The following LRRC37B variants were observed in gnomAD, a reference collection of about 807,000 sequenced individuals.
The protein encoded by LRRC37B is leucine rich repeat containing 37B.
LRRC37B carries 28 observed loss-of-function variants against 98.3 expected under a neutral mutation model. The ratio of observed to expected loss-of-function variants is 0.28; its 90% CI spans 0.21 to 0.39. LRRC37B has a LOEUF of 0.39. Ranked by LOEUF, LRRC37B falls within the 10% of genes least tolerant of loss-of-function variation. The pLI is 1.00. For missense variants in LRRC37B, 938 were observed against 1,182.7 expected (o/e 0.79, Z 3.03); for synonymous variants, 364 against 442.7 (o/e 0.82, Z 2.23).
intron 1 of LRRC37B, among the ~76,000 whole-genome samples, chr17:32,024,303 G>A (rs879160134): frequency 7.2e-5 from 11 of 152,274 alleles, no homozygotes; most frequent in African/African-American, 2.4e-4. Flanking sequence ...CTTTGGTGTT[G>A]CCTGGCATGG....
intron 1 of LRRC37B, among the ~76,000 whole-genome samples, chr17:32,010,862 A>C (rs1308765903): frequency 6.6e-6 from 1 of 152,178 alleles, no homozygotes; most frequent in Non-Finnish European, 1.5e-5. Flanking sequence ...AATCTCTCAC[A>C]TATGAATGAG....
chr17:32,053,266 G>A lies in LRRC37B; in HGVS notation c.2863G>A (p.Val955Met), dbSNP rs1332213918. The stretch of plus-strand genomic sequence containing the variant: ...TTAATTGTGTTTTCTTCCAAAACAG[G>A]TGAATTCACATAAAAGGGCATCAGA... Residue 955 changes from valine to methionine, a missense_variant and splice_region_variant, in exon 12 of 12, where the codon GTG becomes ATG. Physicochemically the swap from Val to Met is conservative, Grantham distance 21. Around this residue, in one of 2 missense-constraint regions of LRRC37B, gnomAD observed 328 missense variants for 557.0 expected, o/e 0.59. Coordinates refer to ENST00000327564, the Ensembl canonical transcript of LRRC37B. The A allele has an allele frequency of 5.0e-6, 8 of 1,608,164 alleles. No individual in the cohort carries two copies. In the Admixed American group the frequency reaches 1.4e-4, roughly 27 times the overall value.
chr17:32,028,955 C>T (rs1344749742), intron 3 of LRRC37B: 1 of 151,818 alleles, frequency 6.6e-6, no homozygotes, highest in East Asian at 1.9e-4. Context: ...TAATCATTTT[C>T]CTACTACTCA....
rs1438194580 is a variant in LRRC37B at position 32,029,245 on chromosome 17, G to A, written c.1904+1405G>A. On this transcript the variant is annotated intron_variant, in intron 3 of 11. Transcript: ENST00000327564. ...AATATCCTGACCTTGTAATCCACCC[G>A]CCTCAGCCTCCCAAAGTGCTGGGAT... Among the ~76,000 whole-genome samples, 6 of 152,116 alleles carry A rather than the reference G, an allele frequency of 3.9e-5. No individual in the cohort carries two copies. The South Asian group carries it at 1.0e-3, about 26-fold the overall frequency.
At chr17:32,041,524 G>A (rs12937850) in intron 7 of LRRC37B, 19,183 of 533,758 alleles carry the variant, frequency 0.036, 777 homozygotes, top group Admixed American at 0.1. Context: ...CCTCTGCCCA[G>A]TGACTCACTG....
At position 32,035,028 on chromosome 17, in the gene LRRC37B, T is replaced by C. The variant is rs913288517; in HGVS notation, c.2129+47T>C. On this transcript the variant is annotated intron_variant, in intron 6 of 11. Coordinates refer to ENST00000327564, the Ensembl canonical transcript of LRRC37B. ...TGAGTCATGAGATGATTTATGCTTT[T>C]TAAATTTGTCATCAAAGATAAAGTA... The C allele has an allele frequency of 5.4e-6, 7 of 1,294,402 alleles. No homozygotes were observed. The African/African-American group carries it at 6.1e-5, about 11-fold the overall frequency. 80.2% of individuals were successfully genotyped at this position (1,294,402 alleles called of 1,614,324 possible).
chr17:32,032,067 A>G (rs969845418), intron 5 of LRRC37B, among the ~76,000 whole-genome samples: 2 of 152,160 alleles, frequency 1.3e-5, no homozygotes, highest in Non-Finnish European at 2.9e-5. Flanking sequence ...CAGGAGTTTG[A>G]GACCAGCCTG....
At chr17:32,008,883 G>A (rs1910468434) in intron 1 of LRRC37B, among the ~76,000 whole-genome samples, 1 of 152,208 alleles carries the variant, frequency 6.6e-6, no homozygotes, top group African/African-American at 2.4e-5. Context: ...GTTTTTGGCA[G>A]CTATGAATAA....
At chr17:32,039,340 G>T (rs1911338466) in intron 7 of LRRC37B, among the ~76,000 whole-genome samples, 1 of 149,678 alleles carries the variant, frequency 6.7e-6, no homozygotes, top group African/African-American at 2.5e-5. Flanking sequence ...CACCAGGTGT[G>T]ATGGCACACT....
At chr17:32,034,523 A>T (rs903796873) in intron 5 of LRRC37B, among the ~76,000 whole-genome samples, 5 of 151,432 alleles carry the variant, frequency 3.3e-5, no homozygotes, top group Non-Finnish European at 7.4e-5. Context: ...AAAAAAAAAA[A>T]ACAACTTGAA....
exon 1 of LRRC37B, chr17:32,008,072 C>G: frequency 2.0e-6 from 1 of 496,810 alleles, no homozygotes; most frequent in Non-Finnish European, 3.9e-6. Context: ...TCCGGAGGAG[C>G]TGGAAGATGA....
intron 1 of LRRC37B, among the ~76,000 whole-genome samples, chr17:32,013,201 T>C (rs57369155): frequency 0.027 from 4,083 of 152,248 alleles, 162 homozygotes; most frequent in African/African-American, 0.091. Flanking sequence ...GATGGGGTTT[T>C]GCCATGTTGC....
rs79829378 is a variant in LRRC37B, at chr17:32,030,705, T to C, written c.1954T>C (p.Ser652Pro). ...ATATATTGAAAGACAAACATTTGAA[T>C]CACTACCATTTTTGCAGTATATGTA... The change falls in exon 4 of 12, where the codon TCA becomes CCA. Residue 652 changes from serine (S) to proline (P), a missense_variant. By Grantham distance (74) the Ser-to-Pro change is moderately conservative. Coordinates refer to ENST00000327564, the Ensembl canonical transcript of LRRC37B. 9.7e-4 allele frequency: 1,420 copies of C among 1,464,504 alleles called. 5 individuals carry two copies. The African/African-American group carries it at 0.017, about 18-fold the overall frequency. 90.7% of individuals were successfully genotyped at this position (1,464,504 alleles called of 1,614,324 possible).
chr17:32,023,135 T>C (rs566727936), intron 1 of LRRC37B, among the ~76,000 whole-genome samples: 30 of 151,538 alleles, frequency 2.0e-4, no homozygotes, highest in Non-Finnish European at 4.1e-4. Flanking sequence ...TTTTTTTTTT[T>C]TTTGAGACAG....
At chr17:32,012,649 G>C (rs2142235273) in intron 1 of LRRC37B, among the ~76,000 whole-genome samples, 1 of 152,224 alleles carries the variant, frequency 6.6e-6, no homozygotes, top group East Asian at 1.9e-4. Context: ...CCAGGTGGTG[G>C]ATATTGCAGT....
intron 2 of LRRC37B, among the ~76,000 whole-genome samples, chr17:32,027,374 CTTGT>C (rs1466194106): frequency 1.5e-5 from 2 of 135,162 alleles, no homozygotes; most frequent in Non-Finnish European, 3.2e-5. Context: ...TGTGTGTGTG[CTTGT>C]GTGTGTGTGC....
chr17:32,032,462 G>T (rs1911137174), intron 5 of LRRC37B, among the ~76,000 whole-genome samples: 1 of 152,176 alleles, frequency 6.6e-6, no homozygotes, highest in East Asian at 1.9e-4. Context: ...AAAATTCTAT[G>T]ATTTCTCTGT....
At chr17:32,049,682 C>T (rs942777882) in intron 10 of LRRC37B, among the ~76,000 whole-genome samples, 6 of 152,068 alleles carry the variant, frequency 3.9e-5, no homozygotes, top group African/African-American at 1.5e-4. Context: ...GCTCGGCCAA[C>T]GTAGTGAAAC....
chr17:32,053,483 G>T, exon 12 of LRRC37B: 2 of 639,028 alleles, frequency 3.1e-6, no homozygotes, highest in South Asian at 2.2e-5. Context: ...AAGCTTGTTA[G>T]ATCATTTTTA....
Sources: allele counts gnomAD v4.1 joint callset (sites outside exome capture counted in the v4.1 genomes callset), GRCh38; gene constraint gnomAD v4.1.1; regional missense constraint gnomAD v4.1.1; transcripts MANE v1.5; gene names NCBI Gene and HGNC (gene_info 2026-07-23, HGNC 2026-07-21).